Variants in RBFOX1 observed in about 807,000 individuals in gnomAD.
The protein encoded by RBFOX1 is RNA binding protein fox-1 homolog 1.
Under a neutral mutation model 57.7 loss-of-function variants are expected in RBFOX1, and 8 were observed. The ratio of observed to expected loss-of-function variants is 0.14; its 90% CI spans 0.08 to 0.25. RBFOX1 has a LOEUF of 0.25. Ranked by LOEUF, RBFOX1 falls within the 10% of genes least tolerant of loss-of-function variation. The pLI is 1.00. For synonymous variants in RBFOX1, 326 were observed against 222.4 expected (o/e 1.47, Z -4.15); for missense variants, 611 against 548.5 (o/e 1.11, Z -1.14).
chr16:7,357,490 C>G (rs1254789023), intron 4 of RBFOX1, among the ~76,000 whole-genome samples: 2 of 152,202 alleles, frequency 1.3e-5, no homozygotes, highest in African/African-American at 2.4e-5. Context: ...TGCCCTACAA[C>G]TGTCCTGCTT....
intron 4 of RBFOX1, among the ~76,000 whole-genome samples, chr16:6,004,584 T>C (rs1197702569): frequency 6.6e-6 from 1 of 152,206 alleles, no homozygotes; most frequent in African/African-American, 2.4e-5. Context: ...TTCTGCAGCT[T>C]CTTATATGCT....
At chr16:6,347,421 C>G (rs949027636) in intron 2 of RBFOX1, among the ~76,000 whole-genome samples, 1 of 152,132 alleles carries the variant, frequency 6.6e-6, no homozygotes, top group African/African-American at 2.4e-5. Flanking sequence ...ATAATCTACC[C>G]GTGAAGGTAG....
chr16:7,601,702 G>A (rs1426513764), intron 9 of RBFOX1, among the ~76,000 whole-genome samples: 1 of 152,154 alleles, frequency 6.6e-6, no homozygotes, highest in Non-Finnish European at 1.5e-5. Flanking sequence ...TCACAATGGG[G>A]AGCAGTGGTA....
intron 2 of RBFOX1, among the ~76,000 whole-genome samples, chr16:6,612,448 C>G (rs1380817149): frequency 6.6e-6 from 1 of 151,748 alleles, no homozygotes; most frequent in Non-Finnish European, 1.5e-5. Flanking sequence ...CGTATATTGA[C>G]TTATTTAAGT....
chr16:5,448,140 T>A (rs1221707944), intron 1 of RBFOX1, among the ~76,000 whole-genome samples: 1 of 152,144 alleles, frequency 6.6e-6, no homozygotes, highest in Non-Finnish European at 1.5e-5. Flanking sequence ...CATCTGGTTG[T>A]CAATAGGGGC....
intron 2 of RBFOX1, among the ~76,000 whole-genome samples, chr16:5,496,690 A>G (rs2043013729): frequency 6.6e-6 from 1 of 152,142 alleles, no homozygotes; most frequent in South Asian, 2.1e-4. Flanking sequence ...GGATGGGGAA[A>G]TGGTTTCTGT....
chr16:6,006,905 C>T lies in RBFOX1; in HGVS notation c.351+139570C>T, dbSNP rs75178887. On this transcript the variant is annotated intron_variant, in intron 4 of 19. Transcript: ENST00000641259. ...CACAAGCTCTTTTGTCACATGGGTC[C>T]GCCTTCTCTCCCCATATTTTTTCTC... Among the ~76,000 whole-genome samples, 819 of 152,266 alleles carry T rather than the reference C, an allele frequency of 5.4e-3. 2 individuals carry two copies. The highest frequency in any genetic ancestry group is 7.5e-3 in the Non-Finnish European group (508 of 68,020).
intron 3 of RBFOX1, among the ~76,000 whole-genome samples, chr16:6,872,342 T>C (rs906934049): frequency 2.0e-5 from 3 of 152,194 alleles, no homozygotes; most frequent in Non-Finnish European, 1.5e-5. Flanking sequence ...CCCTTCTCTC[T>C]GTTTCTCTCT....
intron 2 of RBFOX1, among the ~76,000 whole-genome samples, chr16:6,643,476 T>G (rs1335002205): frequency 1.3e-5 from 2 of 152,116 alleles, no homozygotes; most frequent in East Asian, 3.8e-4. Flanking sequence ...GAACACAGAC[T>G]CTGAAGAATT....
chr16:6,814,451 G>C (rs778188237), intron 3 of RBFOX1, among the ~76,000 whole-genome samples: 5 of 152,182 alleles, frequency 3.3e-5, no homozygotes, highest in Admixed American at 1.3e-4. Flanking sequence ...GCAGGTGGGT[G>C]AACAAGGTAG....
chr16:6,824,398 A>T (rs890432620), intron 3 of RBFOX1, among the ~76,000 whole-genome samples: 3 of 152,214 alleles, frequency 2.0e-5, no homozygotes, highest in Non-Finnish European at 2.9e-5. Context: ...ACAGAGCGAG[A>T]TTCCATGTCA....
At chr16:5,653,473 G>A (rs1250006429) in intron 3 of RBFOX1, among the ~76,000 whole-genome samples, 6 of 119,442 alleles carry the variant, frequency 5.0e-5, no homozygotes, top group Non-Finnish European at 7.3e-5. Flanking sequence ...GGAAGGTGGG[G>A]TGCTGAGCCG....
intron 3 of RBFOX1, among the ~76,000 whole-genome samples, chr16:5,606,448 C>T (rs1262000732): frequency 1.3e-5 from 2 of 152,094 alleles, no homozygotes; most frequent in African/African-American, 4.8e-5. Flanking sequence ...CCTCCACCCT[C>T]ATTCCTCCCT....
At chr16:7,346,447 G>A (rs201387532) in intron 4 of RBFOX1, among the ~76,000 whole-genome samples, 6 of 152,054 alleles carry the variant, frequency 3.9e-5, no homozygotes, top group African/African-American at 7.2e-5. Flanking sequence ...GACACGACAC[G>A]CGTTTGATAA....
intron 3 of RBFOX1, among the ~76,000 whole-genome samples, chr16:5,812,029 T>G (rs2055450814): frequency 6.6e-6 from 1 of 152,216 alleles, no homozygotes; most frequent in Non-Finnish European, 1.5e-5. Context: ...TTCATGTAAT[T>G]GAATAGAAAG....
Position 5,599,332 on chromosome 16 carries a change from G to A in RBFOX1, c.*83G>A, listed in dbSNP as rs117939027. The A allele has an allele frequency of 1.1e-3, 685 of 615,152 alleles. 6 individuals carry two copies. The East Asian group carries it at 0.018, about 16-fold the overall frequency. 38.1% of individuals were successfully genotyped at this position (615,152 alleles called of 1,614,324 possible). A position where few individuals can be genotyped will look rare whatever the true frequency, so the allele number is the denominator to read the frequency against. On this transcript the variant is annotated 3_prime_UTR_variant, in exon 3 of 3. Coordinates refer to the RBFOX1 transcript ENST00000585867. ...ACGTGAAAGAAGTCGAATGTCATTG[G>A]GTTGTCTTCCTAGTAAGGACAGGAA... is the stretch of plus-strand genomic sequence containing the variant.
intron 4 of RBFOX1, among the ~76,000 whole-genome samples, chr16:7,286,454 T>A (rs989210657): frequency 1.0e-4 from 15 of 147,984 alleles, no homozygotes; most frequent in South Asian, 2.2e-4. Context: ...TCTTATTTTT[T>A]TTTTTTTTTT....
rs540788009 is a variant in RBFOX1 at position 6,427,427 on chromosome 16, G to A, written c.-64+110370G>A. Among the ~76,000 whole-genome samples the A allele has an allele frequency of 5.3e-5, 8 of 152,282 alleles. No homozygotes were observed. The South Asian group carries it at 1.4e-3, about 28-fold the overall frequency. ...GGGAGTAGTTCTGAACGCTGAGCAT[G>A]GCCTCATTTGGAATATTTTATGCAA... On this transcript the variant is annotated intron_variant, in intron 2 of 15. Coordinates refer to ENST00000550418, the MANE Select transcript of RBFOX1 (RefSeq NM_018723.4).
chr16:6,400,249 A>G (rs2093014020), intron 2 of RBFOX1, among the ~76,000 whole-genome samples: 1 of 152,180 alleles, frequency 6.6e-6, no homozygotes, highest in Non-Finnish European at 1.5e-5. Flanking sequence ...ATTGTTAACT[A>G]TGTTTTCTGG....
Sources: allele counts gnomAD v4.1 joint callset (sites outside exome capture counted in the v4.1 genomes callset), GRCh38; gene constraint gnomAD v4.1.1; transcripts MANE v1.5; gene names NCBI Gene and HGNC (gene_info 2026-07-23, HGNC 2026-07-21).